Variants in OTUD5 observed in about 807,000 individuals in gnomAD.
The protein encoded by OTUD5 is OTU domain-containing protein 5.
In OTUD5, 2 loss-of-function variants were observed where a neutral mutation model predicts 36.3. That is an observed-to-expected ratio of 0.06 (90% CI 0.02 to 0.17). The LOEUF is 0.17. Among genes scored for constraint, OTUD5 ranks in the 10% least tolerant of loss-of-function variants. OTUD5 has a pLI of 1.00. For synonymous variants in OTUD5, 234 were observed against 214.9 expected (o/e 1.09, Z -0.78); for missense variants, 233 against 512.3 (o/e 0.45, Z 5.26).
Position 48,957,599 on chromosome X carries a change from A to G in OTUD5, c.-29T>C. ...TGCACTGCCGAGTACCCCCCAACAAACCCGGCGCGGGGCACGCCGGGAGAG... is the reference window on the plus strand; with the variant it reads ...TGCACTGCCGAGTACCCCCCAACAAGCCCGGCGCGGGGCACGCCGGGAGAG... On this transcript the variant is annotated 5_prime_UTR_variant, in exon 1 of 9. Coordinates refer to ENST00000376488, the MANE Select transcript of OTUD5 (RefSeq NM_001136157.2). 1.2e-6 allele frequency: 1 copy of G among 825,543 alleles called. No homozygotes were observed. Among genetic ancestry groups the G allele is most frequent in the South Asian group, 6.2e-5 (1 of 16,025 alleles). The allele number at this position is 825,543 out of a possible 1,213,427, so 68.0% of individuals were successfully genotyped here.
intron 1 of OTUD5, among the ~76,000 whole-genome samples, chrX:48,956,653 G>A (rs1266353989): frequency 9.0e-5 from 10 of 111,185 alleles, no homozygotes; most frequent in African/African-American, 2.9e-4. Context: ...CTACTCAAGA[G>A]GGGCGCGATC....
Position 48,944,299 on chromosome X carries a change from G to A in OTUD5, c.595-16C>T. 9.0e-7 allele frequency: 1 copy of A among 1,113,061 alleles called. No homozygotes were observed. Among genetic ancestry groups the A allele is most frequent in the African/African-American group, 1.8e-5 (1 of 55,713 alleles). 91.7% of individuals were successfully genotyped at this position (1,113,061 alleles called of 1,213,427 possible). On this transcript the variant is annotated splice_polypyrimidine_tract_variant and intron_variant, in intron 1 of 8. Transcript: ENST00000376488. ...AATGCTCCTGCTGGAGGGAAGAGGT[G>A]GGGGTCAGCAACAGGGAAAACCTGT...
intron 2 of OTUD5, among the ~76,000 whole-genome samples, chrX:48,939,645 CTCCT>C (rs1557050635): frequency 8.9e-6 from 1 of 112,153 alleles, no homozygotes; most frequent in Non-Finnish European, 1.9e-5. Context: ...CCCCACCAAC[CTCCT>C]TCCTGGCCTC....
chrX:48,922,675 C>A lies in OTUD5; in HGVS notation c.*499G>T, dbSNP rs1441241000. On this transcript the variant is annotated 3_prime_UTR_variant, in exon 9 of 9. Coordinates refer to ENST00000376488, the MANE Select transcript of OTUD5 (RefSeq NM_001136157.2). ...TAATTTTAATAAAGAAAAAATTCAA[C>A]ATTGAAGGCTCAGACGTTCTTGGGG... 2.7e-6 allele frequency: 2 copies of A among 754,614 alleles called. No individual in the cohort carries two copies. Among genetic ancestry groups the A allele is most frequent in the Non-Finnish European group, 3.1e-6 (2 of 639,026 alleles). 62.2% of individuals were successfully genotyped at this position (754,614 alleles called of 1,213,427 possible).
At chrX:48,951,882 C>T (rs1362269338) in intron 1 of OTUD5, among the ~76,000 whole-genome samples, 1 of 110,521 alleles carries the variant, frequency 9.0e-6, no homozygotes, top group African/African-American at 3.3e-5. Flanking sequence ...ATGGTGAAAC[C>T]CCATCTCTAC....
intron 5 of OTUD5, among the ~76,000 whole-genome samples, chrX:48,931,803 A>G (rs781987704): frequency 9.5e-6 from 1 of 105,809 alleles, no homozygotes; most frequent in Admixed American, 1.0e-4. Flanking sequence ...AAAAAGTATT[A>G]ATGTTGGTTC....
At chrX:48,925,501 G>A (rs1286397029) in intron 6 of OTUD5, among the ~76,000 whole-genome samples, 1 of 110,936 alleles carries the variant, frequency 9.0e-6, no homozygotes, top group African/African-American at 3.3e-5. Flanking sequence ...GCCAACAGAC[G>A]AGATCGTTGA....
At position 48,924,007 on chromosome X, in the gene OTUD5, A is replaced by AGGC. The variant is rs782249022; in HGVS notation, c.1306_1308dup (p.Ala436dup). ...CTAGTCCACTCCTCCAGGCCACTGG[A>AGGC]GGCTGCTGCTGTGGCCGAACTGCAT... On this transcript the variant is annotated inframe_insertion, in exon 7 of 9. Coordinates refer to ENST00000376488, the MANE Select transcript of OTUD5 (RefSeq NM_001136157.2). The AGGC allele has an allele frequency of 8.3e-7, 1 of 1,208,782 alleles. No individual in the cohort carries two copies. Among genetic ancestry groups the AGGC allele is most frequent in the African/African-American group, 1.7e-5 (1 of 57,823 alleles).
At chrX:48,927,280 G>C (rs1446288282) in intron 5 of OTUD5, among the ~76,000 whole-genome samples, 1 of 110,953 alleles carries the variant, frequency 9.0e-6, no homozygotes, top group African/African-American at 3.3e-5. Context: ...GGGCTGGGGG[G>C]AGGGTGTTTT....
rs2063604400 is a variant in OTUD5 at position 48,922,974 on chromosome X, C to A, written c.*200G>T. 4 of 1,070,379 alleles carry A rather than the reference C, an allele frequency of 3.7e-6. No individual in the cohort carries two copies. Among genetic ancestry groups the A allele is most frequent in the Non-Finnish European group, 4.8e-6 (4 of 828,201 alleles). The allele number at this position is 1,070,379 out of a possible 1,213,427, so 88.2% of individuals were successfully genotyped here. On this transcript the variant is annotated 3_prime_UTR_variant, in exon 9 of 9. Transcript: ENST00000376488. ...GGGGGCAACAGGGCACATCAGCTGG[C>A]AGAGAGACAGGTGATAGTGGCAGCG...
At chrX:48,949,663 G>A (rs1569516266) in intron 1 of OTUD5, among the ~76,000 whole-genome samples, 1 of 110,805 alleles carries the variant, frequency 9.0e-6, no homozygotes, top group Non-Finnish European at 1.9e-5. Flanking sequence ...GGGTGACACA[G>A]CGAGACTCCA....
At chrX:48,939,381 C>G (rs2063880671) in intron 2 of OTUD5, among the ~76,000 whole-genome samples, 1 of 111,392 alleles carries the variant, frequency 9.0e-6, no homozygotes, top group African/African-American at 3.3e-5. Context: ...TCCCTAGGGC[C>G]ACAGAGGCCA....
At position 48,925,587 on chromosome X, in the gene OTUD5, G is replaced by C. The variant is rs782303209; in HGVS notation, c.1263+260C>G. On this transcript the variant is annotated intron_variant, in intron 6 of 8. Transcript: ENST00000376488. ...ACAAGGGCAGTCAACAAAAGCTTGT[G>C]TCTCTGAAGCTATCCATTATTCTCG... Among the ~76,000 whole-genome samples the C allele has an allele frequency of 2.7e-5, 3 of 112,227 alleles. No homozygotes were observed. In the East Asian group the frequency reaches 8.4e-4, roughly 31 times the overall value.
At chrX:48,927,985 AAAG>A (rs1163340659) in intron 5 of OTUD5, among the ~76,000 whole-genome samples, 5 of 112,773 alleles carry the variant, frequency 4.4e-5, no homozygotes, top group African/African-American at 1.6e-4. Context: ...ACAATTCACC[AAAG>A]AAGCTATACA....
At chrX:48,955,275 G>A (rs1018648377) in intron 1 of OTUD5, among the ~76,000 whole-genome samples, 7 of 111,357 alleles carry the variant, frequency 6.3e-5, no homozygotes, top group Admixed American at 9.5e-5. Context: ...GTACCCTCAG[G>A]GCAGGTTCAG....
Position 48,934,721 on chromosome X carries a change from C to T in OTUD5, c.900G>A (p.Gln300=), listed in dbSNP as rs1557049513. The part of the protein sequence containing the change: ...EMYNRPVEVY[Q]YSTEPINTFH... ...CCACTGCAGAAGTACCTGTGCTGTACTGGTACACCTCCACAGGACGGTTGT... is the reference window on the plus strand; with the variant it reads ...CCACTGCAGAAGTACCTGTGCTGTATTGGTACACCTCCACAGGACGGTTGT... Residue 300 remains glutamine, a synonymous_variant, in exon 4 of 9, where the codon CAG becomes CAA. Coordinates refer to ENST00000376488, the MANE Select transcript of OTUD5 (RefSeq NM_001136157.2). 3 of 1,208,294 alleles carry T rather than the reference C, an allele frequency of 2.5e-6. No individual in the cohort carries two copies. The highest frequency in any genetic ancestry group is 1.8e-5 in the South Asian group (1 of 56,442).
intron 5 of OTUD5, among the ~76,000 whole-genome samples, chrX:48,931,966 T>G (rs1396960738): frequency 1.9e-5 from 2 of 106,621 alleles, no homozygotes; most frequent in Admixed American, 2.0e-4. Flanking sequence ...GCCTTTGACA[T>G]GGTGAAACCC....
At chrX:48,956,494 T>A (rs1424331458) in intron 1 of OTUD5, among the ~76,000 whole-genome samples, 2 of 111,568 alleles carry the variant, frequency 1.8e-5, no homozygotes, top group African/African-American at 6.5e-5. Context: ...TGAAAGGGCT[T>A]AGGCTCCTTG....
chrX:48,934,081 T>C (rs2063796088), intron 5 of OTUD5, among the ~76,000 whole-genome samples: 1 of 111,348 alleles, frequency 9.0e-6, no homozygotes, highest in South Asian at 3.7e-4. Context: ...AGCCAGTGAG[T>C]GGTGGGGCCA....
Sources: allele counts gnomAD v4.1 joint callset (sites outside exome capture counted in the v4.1 genomes callset), GRCh38; gene constraint gnomAD v4.1.1; transcripts MANE v1.5; gene names NCBI Gene and HGNC (gene_info 2026-07-23, HGNC 2026-07-21).